The following SLC7A14 variants were observed in gnomAD, a reference collection of about 807,000 sequenced individuals.
SLC7A14 encodes the protein solute carrier family 7 member 14.
A neutral mutation model predicts 60.2 loss-of-function variants in SLC7A14; 37 were observed. That is an observed-to-expected ratio of 0.61 (90% CI 0.47 to 0.81). SLC7A14 has a LOEUF of 0.81. Among genes scored for constraint, SLC7A14 ranks in the 30% least tolerant of loss-of-function variants. The pLI is 0.00. For missense variants in SLC7A14, 886 were observed against 982.7 expected (o/e 0.90, Z 1.32); for synonymous variants, 399 against 395.8 (o/e 1.01, Z -0.10).
At chr3:170,581,439 A>AT (rs909929410) in intron 1 of SLC7A14, among the ~76,000 whole-genome samples, 48 of 152,030 alleles carry the variant, frequency 3.2e-4, no homozygotes, top group Admixed American at 3.9e-4. Flanking sequence ...CCTAGTTATT[A>AT]TTTTTTTTAA....
intron 1 of SLC7A14, among the ~76,000 whole-genome samples, chr3:170,531,903 T>A (rs565336683): frequency 8.5e-5 from 13 of 152,294 alleles, no homozygotes; most frequent in African/African-American, 3.1e-4. Flanking sequence ...AGGATAATGA[T>A]GATAAAAGCA....
rs750759751 is a variant in SLC7A14, at chr3:170,526,723, A to G, written c.214T>C (p.Tyr72His). The G allele has an allele frequency of 6.2e-7, 1 of 1,614,234 alleles. No individual in the cohort carries two copies. Among genetic ancestry groups the G allele is most frequent in the Non-Finnish European group, 8.5e-7 (1 of 1,180,040 alleles). ...TTGGCCACCAGGCCAGAGACCACAT[A>G]CATGCCAGTGCCCACACAGCTGCCA... Reference protein sequence around the residue: ...GVGSCVGTGMYVVSGLVAKEM... With the variant: ...GVGSCVGTGMHVVSGLVAKEM... Residue 72 changes from tyrosine to histidine, a missense_variant, in exon 2 of 8, where the codon TAT becomes CAT. Physicochemically the swap from Tyr to His is moderately conservative, Grantham distance 83. Transcript: ENST00000231706.
chr3:170,527,738 G>T (rs1355367627), intron 1 of SLC7A14, among the ~76,000 whole-genome samples: 1 of 152,042 alleles, frequency 6.6e-6, no homozygotes, highest in East Asian at 1.9e-4. Flanking sequence ...GCATCTGGGG[G>T]GAACCTGAGA....
At chr3:170,514,698 G>A (rs1387104366) in intron 2 of SLC7A14, among the ~76,000 whole-genome samples, 1 of 152,122 alleles carries the variant, frequency 6.6e-6, no homozygotes, top group East Asian at 1.9e-4. Context: ...TGAGTAGGAG[G>A]CAAGTCTACC....
At chr3:170,578,103 G>A (rs1429262219) in intron 1 of SLC7A14, among the ~76,000 whole-genome samples, 2 of 152,214 alleles carry the variant, frequency 1.3e-5, no homozygotes, top group African/African-American at 4.8e-5. Flanking sequence ...AAGATGTGGT[G>A]GGCTGACCTT....
At chr3:170,583,441 G>A (rs1715290633) in intron 1 of SLC7A14, among the ~76,000 whole-genome samples, 1 of 152,188 alleles carries the variant, frequency 6.6e-6, no homozygotes, top group African/African-American at 2.4e-5. Context: ...CACTGATGCT[G>A]ACGTTTAGTC....
intron 7 of SLC7A14, among the ~76,000 whole-genome samples, chr3:170,479,707 TG>T (rs1711746325): frequency 6.6e-6 from 1 of 152,172 alleles, no homozygotes; most frequent in Non-Finnish European, 1.5e-5. Context: ...GAAAGGACCT[TG>T]GGAAATATGA....
intron 1 of SLC7A14, among the ~76,000 whole-genome samples, chr3:170,529,318 G>A (rs1046491226): frequency 1.1e-4 from 16 of 152,062 alleles, no homozygotes; most frequent in African/African-American, 3.6e-4. Context: ...AAACTTTCTT[G>A]TTTTGCTTAA....
intron 1 of SLC7A14, among the ~76,000 whole-genome samples, chr3:170,579,223 A>G (rs1168211692): frequency 6.6e-6 from 1 of 152,198 alleles, no homozygotes; most frequent in Non-Finnish European, 1.5e-5. Flanking sequence ...TCTGACATCA[A>G]CTCAGGTGAG....
chr3:170,508,950 C>T (rs1282289896), intron 2 of SLC7A14, among the ~76,000 whole-genome samples: 1 of 152,144 alleles, frequency 6.6e-6, no homozygotes, highest in Non-Finnish European at 1.5e-5. Flanking sequence ...AAGCAGGTTG[C>T]TGGGTCCTGA....
chr3:170,555,457 G>T (rs908855949), intron 1 of SLC7A14, among the ~76,000 whole-genome samples: 8 of 152,006 alleles, frequency 5.3e-5, no homozygotes, highest in African/African-American at 1.9e-4. Flanking sequence ...TGATTTGAAT[G>T]GTTGTTCAAC....
chr3:170,512,773 C>T (rs1249247216), intron 2 of SLC7A14, among the ~76,000 whole-genome samples: 3 of 147,702 alleles, frequency 2.0e-5, no homozygotes, highest in African/African-American at 7.4e-5. Context: ...ACGCCATTCT[C>T]CTGCCTCAGC....
intron 2 of SLC7A14, among the ~76,000 whole-genome samples, chr3:170,512,510 G>A (rs1206514376): frequency 6.6e-6 from 1 of 152,078 alleles, no homozygotes; most frequent in African/African-American, 2.4e-5. Flanking sequence ...CGGTTACAGT[G>A]CCTACTTCTG....
chr3:170,555,577 C>T lies in SLC7A14; in HGVS notation c.-152-28489G>A, dbSNP rs539596056. 8.9e-4 allele frequency among the ~76,000 whole-genome samples: 135 copies of T among 152,310 alleles called. 1 individual carries two copies. The highest frequency in any genetic ancestry group is 3.1e-3 in the African/African-American group (129 of 41,568). ...GCCTCATAGAGTGTACCCACACAAACCCAGATGGTACAGCCTACTACACAC... is the reference window on the plus strand; with the variant it reads ...GCCTCATAGAGTGTACCCACACAAATCCAGATGGTACAGCCTACTACACAC... On this transcript the variant is annotated intron_variant, in intron 1 of 7. Transcript: ENST00000231706.
At chr3:170,516,041 T>C (rs1713147008) in intron 2 of SLC7A14, among the ~76,000 whole-genome samples, 1 of 152,142 alleles carries the variant, frequency 6.6e-6, no homozygotes, top group Admixed American at 6.5e-5. Flanking sequence ...TCCACACTAC[T>C]AGGTGCTGCA....
intron 2 of SLC7A14, 78 bp downstream of exon 2, chr3:170,526,555 C>T: frequency 6.5e-7 from 1 of 1,529,832 alleles, no homozygotes; most frequent in Non-Finnish European, 8.8e-7. Flanking sequence ...CCACTAAATA[C>T]TCCGGAGAAA....
intron 1 of SLC7A14, among the ~76,000 whole-genome samples, chr3:170,566,822 A>AAG (rs1560282606): frequency 6.6e-6 from 1 of 151,594 alleles, no homozygotes; most frequent in Non-Finnish European, 1.5e-5. Context: ...AAAAAAAAAA[A>AAG]AGAGAAAAAG....
chr3:170,467,469 GCTGGCGGGGT>G, intron 7 of SLC7A14, 92 bp from the exon 8 acceptor site: 1 of 941,232 alleles, frequency 1.1e-6, no homozygotes, highest in Non-Finnish European at 1.4e-6. Context: ...TGAAATCAAA[GCTGGCGGGGT>G]GGGGGGCGGT....
At chr3:170,578,436 G>A (rs1271862533) in intron 1 of SLC7A14, among the ~76,000 whole-genome samples, 2 of 152,180 alleles carry the variant, frequency 1.3e-5, no homozygotes, top group African/African-American at 4.8e-5. Flanking sequence ...GTGTCAAGTG[G>A]CTATAAATGG....
Sources: gnomAD v4.1 joint callset for allele counts (sites outside exome capture counted in the v4.1 genomes callset) on GRCh38, gnomAD v4.1.1 for gene constraint, MANE v1.5 for transcripts, NCBI Gene and HGNC (gene_info 2026-07-23, HGNC 2026-07-21) for gene names.